The following PHLDB1 variants were observed in gnomAD, a reference collection of about 807,000 sequenced individuals.
The protein encoded by PHLDB1 is pleckstrin homology-like domain family B member 1.
In PHLDB1, 65 loss-of-function variants were observed where a neutral mutation model predicts 139.3. The ratio of observed to expected loss-of-function variants is 0.47; its 90% CI spans 0.38 to 0.57. The LOEUF is 0.57. Ranked by LOEUF, PHLDB1 falls within the 20% of genes least tolerant of loss-of-function variation. The pLI is 0.00. For synonymous variants in PHLDB1, 679 were observed against 734.5 expected, an observed-to-expected ratio of 0.92 and a Z score of 1.22; for missense variants, 1,624 against 1,839.7, an observed-to-expected ratio of 0.88 and a Z score of 2.14.
At chr11:118,631,166 G>A in intron 6 of PHLDB1, 41 bp from the exon 7 acceptor site, 1 of 1,379,968 alleles carries the variant, frequency 7.2e-7, no homozygotes, top group Non-Finnish European at 9.4e-7. Flanking sequence ...CCAGGGCTCA[G>A]CTTCCTCCCC....
intron 4 of PHLDB1, among the ~76,000 whole-genome samples, chr11:118,617,150 G>T (rs1941816363): frequency 6.6e-6 from 1 of 152,214 alleles, no homozygotes; most frequent in Non-Finnish European, 1.5e-5. Flanking sequence ...TGACAGACCA[G>T]GTGTGCTCAC....
chr11:118,624,576 CTCTT>C (rs1943469395), intron 4 of PHLDB1: 1 of 228,366 alleles, frequency 4.4e-6, no homozygotes, highest in African/African-American at 2.6e-5. Context: ...AGTGTTTTCT[CTCTT>C]TCTTCCTTTC....
chr11:118,635,125 G>C, intron 9 of PHLDB1: 1 of 561,320 alleles, frequency 1.8e-6, no homozygotes, highest in South Asian at 1.9e-5. Context: ...GCGGTGGGAC[G>C]GGACCACCTG....
At chr11:118,655,524 C>G (rs782042608) in intron 20 of PHLDB1, 81 bp from the exon 21 acceptor site, 5 of 854,376 alleles carry the variant, frequency 5.9e-6, no homozygotes, top group Non-Finnish European at 9.9e-6. Context: ...GATTTGGAAG[C>G]TCAGGCCATG....
chr11:118,643,923 C>T lies in PHLDB1; in HGVS notation c.3001C>T (p.Arg1001Cys), dbSNP rs370943878. 62 of 1,601,308 alleles carry T rather than the reference C, an allele frequency of 3.9e-5. No individual in the cohort carries two copies. The African/African-American group carries it at 4.2e-4, about 11-fold the overall frequency. Residue 1001 changes from arginine (R) to cysteine (C), a missense_variant, in exon 14 of 23, where the codon CGT becomes TGT. Transcript: ENST00000600882. ...CCAGCTCAGCGTGGCTACCCTGGGG[C>T]GTAGCCCCTCCCCAAAGGTCTGAGG... Reference protein sequence around the residue: ...SSQLSVATLGRSPSPKSALLT... With the variant: ...SSQLSVATLGCSPSPKSALLT...
chr11:118,650,760 C>G lies in PHLDB1; in HGVS notation c.3874+213C>G. The G allele has an allele frequency of 1.7e-6, 1 of 582,476 alleles. No individual in the cohort carries two copies. The highest frequency in any genetic ancestry group is 3.1e-6 in the Non-Finnish European group (1 of 325,894). The allele number at this position is 582,476 out of a possible 1,614,324, so 36.1% of individuals were successfully genotyped here. ...TTCATTCCTTCATTCAGCAATGTTA[C>G]TAAGCATCTAGTAAGTTCTAGGCAC... On this transcript the variant is annotated intron_variant, in intron 20 of 22. Coordinates refer to ENST00000600882, the MANE Select transcript of PHLDB1 (RefSeq NM_001144758.3). The surrounding 1 kb of genome is among the most constrained non-coding windows in gnomAD (Gnocchi z 4.7).
chr11:118,611,349 G>A lies in PHLDB1; in HGVS notation c.-21-2467G>A, dbSNP rs782143398. Among the ~76,000 whole-genome samples the A allele has an allele frequency of 2.0e-5, 3 of 151,746 alleles. No individual in the cohort carries two copies. Among genetic ancestry groups the A allele is most frequent in the Non-Finnish European group, 4.4e-5 (3 of 67,950 alleles). On this transcript the variant is annotated intron_variant, in intron 1 of 22. Transcript: ENST00000600882. This position sits in a 1 kb window ranked among gnomAD's most constrained non-coding sequence, Gnocchi z 4.7. ...TCTCCTTATCTCTCCCTTTACTTTC[G>A]CCTCCTTATTCTCTTCTCTCCTCTA...
chr11:118,635,220 A>G, intron 9 of PHLDB1, 173 bp from the exon 10 acceptor site: 3 of 748,052 alleles, frequency 4.0e-6, no homozygotes, highest in Admixed American at 2.6e-5. Context: ...GCTCCAGGCC[A>G]TGATGCCCGC....
intron 15 of PHLDB1, chr11:118,644,784 C>T (rs1256021206): frequency 4.9e-6 from 4 of 809,844 alleles, no homozygotes; most frequent in Non-Finnish European, 7.1e-6. Flanking sequence ...CCACTGCCTG[C>T]AGGCAGGGTC....
In PHLDB1 at chr11:118,631,439, T is replaced by G; in HGVS notation, c.2060T>G (p.Leu687Arg). ...ATGGAGCGCTCAGATGAGGAAAATC[T>G]CAAGGAGGAGTGCAGCAGCACTGAG... Reference protein sequence around the residue: ...ESMERSDEENLKEECSSTEST... With the variant: ...ESMERSDEENRKEECSSTEST... The change falls in exon 7 of 23, where the codon CTC (leucine) becomes CGC (arginine). Residue 687 changes from leucine to arginine, a missense_variant. Leu to Arg is a moderately radical substitution (Grantham distance 102). Coordinates refer to ENST00000600882, the MANE Select transcript of PHLDB1 (RefSeq NM_001144758.3). The G allele has an allele frequency of 6.9e-7, 1 of 1,440,144 alleles. No individual in the cohort carries two copies. The allele number at this position is 1,440,144 out of a possible 1,614,324, so 89.2% of individuals were successfully genotyped here.
Position 118,650,668 on chromosome 11 carries a change from G to T in PHLDB1, c.3874+121G>T. On this transcript the variant is annotated intron_variant, in intron 20 of 22. Coordinates refer to ENST00000600882, the MANE Select transcript of PHLDB1 (RefSeq NM_001144758.3). The surrounding 1 kb of genome is among the most constrained non-coding windows in gnomAD (Gnocchi z 4.7). ...GTAGGGGACCAGAGTCTTGGGCTAG[G>T]CTTTGCCCTCCTTCCCTGAAAATGT... 1 of 681,154 alleles carries T rather than the reference G, an allele frequency of 1.5e-6. No individual in the cohort carries two copies. The highest frequency in any genetic ancestry group is 1.7e-5 in the South Asian group (1 of 58,554). 42.2% of individuals were successfully genotyped at this position (681,154 alleles called of 1,614,324 possible). A position where few individuals can be genotyped will look rare whatever the true frequency, so the allele number is the denominator to read the frequency against.
At chr11:118,607,363 GTGGTGGTGGTGGTGGTGGTGGTGA>G (rs1436822928), upstream of PHLDB1, among the ~76,000 whole-genome samples, 11 of 136,648 alleles carry the variant, frequency 8.0e-5, no homozygotes, top group African/African-American at 2.8e-5. Context: ...GGTGGTGGTG[GTGGTGGTGGTGGTGGTGGTGGTGA>G]TGGTGGAGAG....
At chr11:118,641,474 T>G (rs1946507326) in intron 12 of PHLDB1, 1 of 358,182 alleles carries the variant, frequency 2.8e-6, no homozygotes, top group Non-Finnish European at 4.8e-6. Flanking sequence ...GGTGTCGAGT[T>G]GAGAGGACTC....
In PHLDB1 at chr11:118,641,644, C is replaced by T. The variant is rs782123238; in HGVS notation, c.2737-610C>T. 25 of 1,287,438 alleles carry T rather than the reference C, an allele frequency of 1.9e-5. No individual in the cohort carries two copies. The East Asian group carries it at 2.2e-4, about 11-fold the overall frequency. The allele number at this position is 1,287,438 out of a possible 1,614,324, so 79.8% of individuals were successfully genotyped here. ...GATGCTTGAGCAGCTAAAGGTGATG[C>T]GGGGCACCTCGCCCATGCCCCCAGC... On this transcript the variant is annotated intron_variant, in intron 12 of 22. Transcript: ENST00000600882.
Position 118,627,771 on chromosome 11 carries a change from A to G in PHLDB1, c.948A>G (p.Lys316=). ...ARSESPRLSR[K]GGHERPPSPG... is the part of the protein sequence containing the mutation. ...CCGAGAGTCCTCGGCTGAGCAGGAA[A>G]GGGGGCCATGAGAGGCCTCCCAGCC... The change falls in exon 6 of 23, where the codon AAA becomes AAG. Residue 316 remains lysine (K), a synonymous_variant. Transcript: ENST00000600882. 6.2e-7 allele frequency: 1 copy of G among 1,606,774 alleles called. No homozygotes were observed. Among genetic ancestry groups the G allele is most frequent in the Non-Finnish European group, 8.5e-7 (1 of 1,179,772 alleles).
intron 18 of PHLDB1, 128 bp from the exon 19 acceptor site, chr11:118,649,949 A>AGTGACCGCCATGGGTTAGGGAG: frequency 1.4e-6 from 1 of 729,282 alleles, no homozygotes; most frequent in South Asian, 1.6e-5. Flanking sequence ...GTGGAGCCAC[A>AGTGACCGCCATGGGTTAGGGAG]GTGACCGCCA....
At chr11:118,613,774 G>A in intron 1 of PHLDB1, 42 bp from the exon 2 acceptor site, 1 of 1,263,918 alleles carries the variant, frequency 7.9e-7, no homozygotes, top group South Asian at 1.2e-5. Flanking sequence ...TCCCTCTCCT[G>A]CCCTGGCCTC....
intron 18 of PHLDB1, 133 bp downstream of exon 18, chr11:118,648,209 C>T (rs374010718): frequency 5.5e-6 from 5 of 915,674 alleles, no homozygotes; most frequent in Middle Eastern, 4.9e-4. Context: ...TGGCTTAATA[C>T]TAGCAGAATT....
chr11:118,607,480 G>C (rs1939369636), upstream of PHLDB1: 3 of 146,324 alleles, frequency 2.1e-5, no homozygotes, highest in South Asian at 6.1e-4. Context: ...GGGGGACCTT[G>C]GGCTCCAGCC....
Sources: allele counts gnomAD v4.1 joint callset (sites outside exome capture counted in the v4.1 genomes callset), GRCh38; gene constraint gnomAD v4.1.1; non-coding constraint Gnocchi (gnomAD v3.1); transcripts MANE v1.5; gene names NCBI Gene and HGNC (gene_info 2026-07-23, HGNC 2026-07-21).